The following DLD variants were observed in gnomAD, a reference collection of about 807,000 sequenced individuals.
The protein encoded by DLD is dihydrolipoyl dehydrogenase, mitochondrial.
In DLD, 36 loss-of-function variants were observed where a neutral mutation model predicts 62.2. The ratio of observed to expected loss-of-function variants is 0.58; its 90% confidence interval spans 0.44 to 0.76. DLD has a LOEUF of 0.76. DLD is among the 30% of genes least tolerant of loss of function. The pLI, the probability that DLD is intolerant of heterozygous loss-of-function variation, is 0.00. For synonymous variants in DLD, 204 were observed against 199.6 expected (o/e 1.02, Z -0.19); for missense variants, 541 against 608.6 (o/e 0.89, Z 1.17).
At chr7:107,898,738 C>G (rs2031800346) in intron 2 of DLD, among the ~76,000 whole-genome samples, 1 of 151,142 alleles carries the variant, frequency 6.6e-6, no homozygotes, top group Non-Finnish European at 1.5e-5. Flanking sequence ...CTACAGGTGC[C>G]TGCCACCACG....
intron 8 of DLD, among the ~76,000 whole-genome samples, chr7:107,913,361 CAGTCCA>C (rs1176268906): frequency 6.6e-6 from 1 of 152,034 alleles, no homozygotes; most frequent in Non-Finnish European, 1.5e-5. Context: ...TTAATTTTTC[CAGTCCA>C]TGAACATGAA....
At chr7:107,909,801 G>A (rs1163132897) in intron 8 of DLD, among the ~76,000 whole-genome samples, 1 of 132,798 alleles carries the variant, frequency 7.5e-6, no homozygotes, top group Non-Finnish European at 1.6e-5. Context: ...GAGAGTGCCT[G>A]TTTTGTCATA....
Position 107,906,362 on chromosome 7 carries a change from A to G in DLD, c.678A>G (p.Val226=), listed in dbSNP as rs2032007747. Residue 226 remains valine, a synonymous_variant, in exon 8 of 14, where the codon GTA becomes GTG. Transcript: ENST00000205402. Reference sequence around the variant, plus strand: ...TTATTGGTGCAGGAGTAATAGGTGTAGAATTGGTAAGTGTTGTCTTTCTGC... The same window carrying G: ...TTATTGGTGCAGGAGTAATAGGTGTGGAATTGGTAAGTGTTGTCTTTCTGC... ...MVVIGAGVIG[V]ELGSVWQRLG... 1 of 1,601,986 alleles carries G rather than the reference A, an allele frequency of 6.2e-7. No individual in the cohort carries two copies. The highest frequency in any genetic ancestry group is 8.6e-7 in the Non-Finnish European group (1 of 1,169,230).
At chr7:107,900,779 T>G (rs1440629286) in intron 2 of DLD, among the ~76,000 whole-genome samples, 1 of 152,158 alleles carries the variant, frequency 6.6e-6, no homozygotes, top group Non-Finnish European at 1.5e-5. Context: ...TAGGAAATTC[T>G]GAGACTCAAA....
chr7:107,904,791 A>G (rs2031962874), intron 5 of DLD, 167 bp from the exon 6 acceptor site: 1 of 677,144 alleles, frequency 1.5e-6, no homozygotes, highest in South Asian at 1.5e-5. Flanking sequence ...CTGTGATACA[A>G]TGATGTTGGC....
chr7:107,898,514 C>T (rs1039289981), intron 2 of DLD, among the ~76,000 whole-genome samples: 3 of 151,736 alleles, frequency 2.0e-5, no homozygotes, highest in African/African-American at 7.3e-5. Flanking sequence ...CTCCTGACCT[C>T]AGGTGATCCA....
intron 3 of DLD, 134 bp from the exon 4 acceptor site, chr7:107,902,191 A>G (rs541484205): frequency 2.7e-6 from 2 of 749,240 alleles, no homozygotes; most frequent in East Asian, 5.4e-5. Flanking sequence ...ATTATAAAGG[A>G]CTATATATTT....
chr7:107,909,031 T>C (rs947984896), intron 8 of DLD, among the ~76,000 whole-genome samples: 6 of 152,242 alleles, frequency 3.9e-5, no homozygotes, highest in African/African-American at 1.4e-4. Flanking sequence ...TTCTGGGTTG[T>C]AGAGAGTACT....
At chr7:107,912,577 T>G (rs893029128) in intron 8 of DLD, among the ~76,000 whole-genome samples, 33 of 152,154 alleles carry the variant, frequency 2.2e-4, no homozygotes, top group Admixed American at 1.3e-4. Flanking sequence ...CTCTGGTGAT[T>G]AATAATGTTG....
intron 8 of DLD, among the ~76,000 whole-genome samples, chr7:107,908,623 T>C (rs2032065931): frequency 6.7e-6 from 1 of 150,000 alleles, no homozygotes; most frequent in Admixed American, 6.7e-5. Flanking sequence ...AGCTGGGTCA[T>C]GCCAGTGCAC....
chr7:107,919,264 G>T lies in DLD; in HGVS notation c.*5G>T, dbSNP rs1295018943. ...GGCAAATCAATCAACTTTTGAATTA[G>T]AAGATTATATATATTTTTTTCTGAA... On this transcript the variant is annotated 3_prime_UTR_variant, in exon 14 of 14. Coordinates refer to ENST00000205402, the MANE Select transcript of DLD (RefSeq NM_000108.5). The T allele has an allele frequency of 1.2e-6, 2 of 1,603,150 alleles. No homozygotes were observed. Among genetic ancestry groups the T allele is most frequent in the Non-Finnish European group, 1.7e-6 (2 of 1,172,900 alleles).
chr7:107,899,880 A>G (rs529889855), intron 2 of DLD, among the ~76,000 whole-genome samples: 201 of 152,214 alleles, frequency 1.3e-3, no homozygotes, highest in African/African-American at 4.6e-3. Flanking sequence ...AAATTCAGCA[A>G]AGAAACCTGT....
chr7:107,910,575 C>CT (rs769985780), intron 8 of DLD, among the ~76,000 whole-genome samples: 1 of 152,134 alleles, frequency 6.6e-6, no homozygotes, highest in African/African-American at 2.4e-5. Context: ...TAAAAAACAT[C>CT]TTTTTTGGAA....
intron 11 of DLD, 94 bp from the exon 12 acceptor site, chr7:107,917,830 G>A: frequency 6.6e-7 from 1 of 1,526,294 alleles, no homozygotes; most frequent in African/African-American, 1.4e-5. Flanking sequence ...TTCCCTTCTT[G>A]GGATTTATTT....
In DLD at chr7:107,920,645, T is replaced by C. The variant is rs548359245; in HGVS notation, c.*1386T>C. On this transcript the variant is annotated 3_prime_UTR_variant, in exon 14 of 14. Transcript: ENST00000205402. Reference sequence around the variant, plus strand: ...GGCAGAAGGAAGTCTGCCCCTTCTGTGCCTCCTGTTTTTTGGGGGTTTCCC... The same window carrying C: ...GGCAGAAGGAAGTCTGCCCCTTCTGCGCCTCCTGTTTTTTGGGGGTTTCCC... 1 of 152,390 alleles carries C rather than the reference T, an allele frequency of 6.6e-6. No individual in the cohort carries two copies. The highest frequency in any genetic ancestry group is 1.5e-5 in the Non-Finnish European group (1 of 68,056). 9.4% of individuals were successfully genotyped at this position (152,390 alleles called of 1,614,324 possible).
At chr7:107,904,248 A>G (rs1159176244) in intron 5 of DLD, among the ~76,000 whole-genome samples, 1 of 152,222 alleles carries the variant, frequency 6.6e-6, no homozygotes, top group East Asian at 1.9e-4. Flanking sequence ...TAGTTGAAAA[A>G]TGGAATGACG....
Position 107,891,183 on chromosome 7 carries a change from C to T in DLD, c.-68C>T, listed in dbSNP as rs1337342043. The T allele has an allele frequency of 1.9e-5, 31 of 1,597,502 alleles. No individual in the cohort carries two copies. The highest frequency in any genetic ancestry group is 4.4e-5 in the South Asian group (4 of 90,230). The stretch of plus-strand genomic sequence containing the variant: ...CTGTGCATGCGCAGGGAGGGGAGAC[C>T]TTGGCGGAGCGGCGGAGGCGCCCAG... On this transcript the variant is annotated 5_prime_UTR_variant, in exon 1 of 14. Transcript: ENST00000205402.
chr7:107,893,386 A>T, intron 2 of DLD, 108 bp downstream of exon 2: 2 of 818,852 alleles, frequency 2.4e-6, no homozygotes. Context: ...AGTGTCTTAT[A>T]GTTCATTTGT....
intron 8 of DLD, 122 bp downstream of exon 8, chr7:107,906,490 C>A (rs1053172798): frequency 1.4e-6 from 1 of 700,842 alleles, no homozygotes; most frequent in Non-Finnish European, 2.6e-6. Context: ...TTAAACACTT[C>A]TAGTAATAAA....
Sources: allele counts gnomAD v4.1 joint callset (sites outside exome capture counted in the v4.1 genomes callset), GRCh38; gene constraint gnomAD v4.1.1; transcripts MANE v1.5; gene names NCBI Gene and HGNC (gene_info 2026-07-23, HGNC 2026-07-21).